GLMN: variants seen among roughly 807,000 people sequenced by gnomAD.
The protein encoded by GLMN is glomulin, FKBP associated protein.
GLMN carries 75 observed loss-of-function variants against 87.8 expected under a neutral mutation model. The observed-to-expected ratio is 0.85, with a 90% CI of 0.71 to 1.04. GLMN has a LOEUF of 1.04. GLMN is among the 50% of genes least tolerant of loss of function. GLMN has a pLI of 0.00. For synonymous variants in GLMN, 206 were observed against 221.6 expected (o/e 0.93, Z 0.63); for missense variants, 588 against 658.8 (o/e 0.89, Z 1.18).
chr1:92,290,296 G>C lies in GLMN; in HGVS notation c.296C>G (p.Pro99Arg). The C allele has an allele frequency of 7.6e-6, 12 of 1,575,260 alleles. No individual in the cohort carries two copies. The highest frequency in any genetic ancestry group is 1.0e-5 in the Non-Finnish European group (12 of 1,145,166). Residue 99 changes from proline to arginine, a missense_variant, in exon 5 of 19, where the codon CCA (proline) becomes CGA (arginine). Coordinates refer to ENST00000370360, the MANE Select transcript of GLMN (RefSeq NM_053274.3). ...IFDLLVKLCN[P>R]KELLLGLLEL... ...AAGCAAACCCAACAATAATTCCTTTGGATTGCATAACTATAAAAATATTCA... is the reference window on the plus strand; with the variant it reads ...AAGCAAACCCAACAATAATTCCTTTCGATTGCATAACTATAAAAATATTCA...
chr1:92,276,280 A>G (rs935358779), intron 7 of GLMN, among the ~76,000 whole-genome samples: 3 of 151,830 alleles, frequency 2.0e-5, no homozygotes, highest in African/African-American at 7.2e-5. Flanking sequence ...ACATATATTT[A>G]CATATTAAAA....
the GLMN span, among the ~76,000 whole-genome samples, chr1:92,351,699 C>G: frequency 6.6e-6 from 1 of 152,050 alleles, no homozygotes; most frequent in Non-Finnish European, 1.5e-5. Flanking sequence ...ACGTCCAGAC[C>G]AAAACTGGCA....
At position 92,254,562 on chromosome 1, in the gene GLMN, C is replaced by T. The variant is rs189706437; in HGVS notation, c.1474-6573G>A. Reference sequence around the variant, plus strand: ...AACGGGAAGCCCATCAGACTAACAGCGGTTCTCTCTGCAGAAACCCTAGAA... The same window carrying T: ...AACGGGAAGCCCATCAGACTAACAGTGGTTCTCTCTGCAGAAACCCTAGAA... On this transcript the variant is annotated intron_variant, in intron 16 of 18. Coordinates refer to ENST00000370360, the MANE Select transcript of GLMN (RefSeq NM_053274.3). Among the ~76,000 whole-genome samples the T allele has an allele frequency of 8.5e-5, 13 of 152,310 alleles. No homozygotes were observed. In the East Asian group the frequency reaches 2.1e-3, roughly 25 times the overall value.
chr1:92,295,578 G>A (rs116087373), intron 3 of GLMN, among the ~76,000 whole-genome samples: 1 of 152,042 alleles, frequency 6.6e-6, no homozygotes, highest in Non-Finnish European at 1.5e-5. Context: ...TAGAAACCCA[G>A]TCATTTTTGA....
At chr1:92,260,765 GAAAAAAAAAA>G (rs765865353) in intron 16 of GLMN, among the ~76,000 whole-genome samples, 4 of 100,068 alleles carry the variant, frequency 4.0e-5, no homozygotes, top group Non-Finnish European at 7.6e-5. Context: ...CTTTGAGATG[GAAAAAAAAAA>G]AAAAAAAAAA....
chr1:92,296,600 G>A (rs541963835), intron 3 of GLMN, among the ~76,000 whole-genome samples: 1 of 152,256 alleles, frequency 6.6e-6, no homozygotes, highest in East Asian at 1.9e-4. Flanking sequence ...TGAGATCTGG[G>A]TGGGGACACA....
chr1:92,249,267 C>CTTTT (rs59926635), intron 16 of GLMN, among the ~76,000 whole-genome samples: 1 of 108,400 alleles, frequency 9.2e-6, no homozygotes, highest in African/African-American at 3.1e-5. Flanking sequence ...GATTACTATT[C>CTTTT]TTTTTTTTTT....
chr1:92,260,470 G>A (rs1654884882), intron 16 of GLMN, among the ~76,000 whole-genome samples: 1 of 151,676 alleles, frequency 6.6e-6, no homozygotes, highest in Non-Finnish European at 1.5e-5. Flanking sequence ...ACAAAAATTA[G>A]CTGGTGTGGT....
chr1:92,369,962 G>T, the GLMN span, among the ~76,000 whole-genome samples: 4 of 152,162 alleles, frequency 2.6e-5, no homozygotes, highest in South Asian at 2.1e-4. Flanking sequence ...TCGGCTTACT[G>T]CAACCCCCAC....
chr1:92,296,111 G>A (rs1459075480), intron 3 of GLMN, among the ~76,000 whole-genome samples: 1 of 152,108 alleles, frequency 6.6e-6, no homozygotes, highest in Non-Finnish European at 1.5e-5. Flanking sequence ...AATAATATAT[G>A]ATTAAAAAGT....
chr1:92,286,472 T>G lies in GLMN; in HGVS notation c.735+18A>C. On this transcript the variant is annotated intron_variant, in intron 7 of 18. Coordinates refer to ENST00000370360, the MANE Select transcript of GLMN (RefSeq NM_053274.3). ...GATAACATTTAAGATTATAGCAGAT[T>G]AAATTAGCTGTACTTACTATTATTT... 1 of 1,137,472 alleles carries G rather than the reference T, an allele frequency of 8.8e-7. No homozygotes were observed. 70.5% of individuals were successfully genotyped at this position (1,137,472 alleles called of 1,614,324 possible).
chr1:92,279,274 G>A (rs1553141960), intron 7 of GLMN, among the ~76,000 whole-genome samples: 4 of 151,942 alleles, frequency 2.6e-5, no homozygotes, highest in South Asian at 2.1e-4. Flanking sequence ...TGGCCAACAT[G>A]GCGAAACCCC....
At chr1:92,253,615 A>G (rs1570836016) in intron 16 of GLMN, among the ~76,000 whole-genome samples, 1 of 152,114 alleles carries the variant, frequency 6.6e-6, no homozygotes, top group East Asian at 1.9e-4. Flanking sequence ...CAATGGTGAT[A>G]CCCGGGCAAA....
rs3103180 is a variant in GLMN, at chr1:92,269,455, G to A, written c.977+268C>T. On this transcript the variant is annotated intron_variant, in intron 9 of 18. Coordinates refer to ENST00000370360, the MANE Select transcript of GLMN (RefSeq NM_053274.3). ...GTGTTTTAATTTACCAACTTTTGGAGTAAGAGAAGAAACCTTAGAAACAGA... is the reference window on the plus strand; with the variant it reads ...GTGTTTTAATTTACCAACTTTTGGAATAAGAGAAGAAACCTTAGAAACAGA... 0.86 allele frequency among the ~76,000 whole-genome samples: 131,271 copies of A among 152,048 alleles called. 57,093 individuals carry two copies. Among genetic ancestry groups the A allele is most frequent in the East Asian group, 1 (5,153 of 5,166 alleles).
the GLMN span, among the ~76,000 whole-genome samples, chr1:92,338,898 C>T: frequency 6.6e-6 from 1 of 152,100 alleles, no homozygotes; most frequent in Non-Finnish European, 1.5e-5. Context: ...GCAAGAGCCA[C>T]AGCTCCTGAC....
chr1:92,368,136 A>G, the GLMN span, among the ~76,000 whole-genome samples: 3 of 152,128 alleles, frequency 2.0e-5, no homozygotes, highest in African/African-American at 7.2e-5. Context: ...TAAAAATCCA[A>G]GTTCATGGCT....
the GLMN span, among the ~76,000 whole-genome samples, chr1:92,313,834 C>T: frequency 5.9e-5 from 9 of 152,198 alleles, no homozygotes; most frequent in Non-Finnish European, 1.2e-4. Context: ...GGATAACTTG[C>T]TGTACCTTCT....
chr1:92,253,423 G>A (rs193046883), intron 16 of GLMN, among the ~76,000 whole-genome samples: 6 of 152,332 alleles, frequency 3.9e-5, no homozygotes, highest in African/African-American at 7.2e-5. Flanking sequence ...TCTGCTAAGG[G>A]ACAGACTGCT....
chr1:92,305,450 A>AAAAAAAAAAAAAC, the GLMN span, among the ~76,000 whole-genome samples: 18 of 141,904 alleles, frequency 1.3e-4, no homozygotes, highest in African/African-American at 5.0e-4. Flanking sequence ...AAAAAAAAAA[A>AAAAAAAAAAAAAC]AGACAATATG....
Sources: gnomAD v4.1 joint callset for allele counts (sites outside exome capture counted in the v4.1 genomes callset) on GRCh38, gnomAD v4.1.1 for gene constraint, MANE v1.5 for transcripts, NCBI Gene and HGNC (gene_info 2026-07-23, HGNC 2026-07-21) for gene names.